Variants in AOPEP observed in about 807,000 individuals in gnomAD.
AOPEP encodes aminopeptidase O.
In AOPEP, 77 loss-of-function variants were observed where a neutral mutation model predicts 98.1. The ratio of observed to expected loss-of-function variants is 0.78; its 90% CI spans 0.65 to 0.95. The LOEUF (loss-of-function observed/expected upper bound fraction) is 0.95. AOPEP is among the 40% of genes least tolerant of loss of function. AOPEP has a pLI of 0.00. For synonymous variants in AOPEP, 346 were observed against 365.3 expected (o/e 0.95, Z 0.60); for missense variants, 1,024 against 1,024.7 (o/e 1.00, Z 0.01).
chr9:94,765,439 AAAT>A (rs370305424), intron 2 of AOPEP, among the ~76,000 whole-genome samples: 1,858 of 123,790 alleles, frequency 0.015, 22 homozygotes, highest in South Asian at 0.057. Context: ...TTCTCTACAA[AAAT>A]AATAATAATA....
At chr9:94,869,971 ATTTTTTTTTTTTTTT>A (rs10556167) in intron 5 of AOPEP, among the ~76,000 whole-genome samples, 8 of 93,554 alleles carry the variant, frequency 8.6e-5, no homozygotes, top group African/African-American at 2.6e-4. Flanking sequence ...GAAGCCATGA[ATTTTTTTTTTTTTTT>A]TTTTTTTTTT....
chr9:94,780,530 A>G (rs910298021), intron 3 of AOPEP, among the ~76,000 whole-genome samples: 1 of 152,220 alleles, frequency 6.6e-6, no homozygotes, highest in Non-Finnish European at 1.5e-5. Flanking sequence ...TTAATACTGC[A>G]ATTCCTCCCA....
chr9:94,743,220 GGAAGAAGAAGAGGAA>G (rs1298482699), intron 1 of AOPEP, among the ~76,000 whole-genome samples: 7 of 68,938 alleles, frequency 1.0e-4, no homozygotes, highest in Non-Finnish European at 1.8e-4. Context: ...AGGAAGAAGA[GGAAGAAGAAGAGGAA>G]GAAGAAGAGG....
At chr9:94,882,505 G>T (rs1164437061) in intron 5 of AOPEP, among the ~76,000 whole-genome samples, 1 of 152,220 alleles carries the variant, frequency 6.6e-6, no homozygotes, top group Admixed American at 6.5e-5. Flanking sequence ...GCTGGGTGGG[G>T]TGGCTCACGC....
chr9:94,853,144 T>G (rs2043763665), intron 5 of AOPEP, among the ~76,000 whole-genome samples: 1 of 152,132 alleles, frequency 6.6e-6, no homozygotes, highest in Non-Finnish European at 1.5e-5. Flanking sequence ...GAAAAAATAA[T>G]TATTACTATA....
At chr9:94,943,747 C>T (rs1270058987) in intron 7 of AOPEP, among the ~76,000 whole-genome samples, 1 of 151,484 alleles carries the variant, frequency 6.6e-6, no homozygotes, top group Non-Finnish European at 1.5e-5. Context: ...GGTGAAACCC[C>T]ATCTCTGCTA....
intron 13 of AOPEP, among the ~76,000 whole-genome samples, chr9:95,010,620 A>G (rs1344022294): frequency 6.6e-6 from 1 of 152,220 alleles, no homozygotes; most frequent in Admixed American, 6.5e-5. Flanking sequence ...CTACATTTAT[A>G]TAGCCGTAAT....
At chr9:95,103,639 G>A in the AOPEP span, among the ~76,000 whole-genome samples, 1 of 152,218 alleles carries the variant, frequency 6.6e-6, no homozygotes, top group African/African-American at 2.4e-5. Context: ...AGAGAGGCAG[G>A]AGAACCGCAG....
chr9:94,751,945 TACAGTGAC>T (rs1334980766), intron 1 of AOPEP, among the ~76,000 whole-genome samples: 2 of 146,688 alleles, frequency 1.4e-5, no homozygotes, highest in Non-Finnish European at 3.0e-5. Context: ...CAGGCTGGAG[TACAGTGAC>T]ACAATCACGA....
chr9:94,827,762 C>T (rs544581969), intron 5 of AOPEP, among the ~76,000 whole-genome samples: 2 of 152,250 alleles, frequency 1.3e-5, no homozygotes, highest in African/African-American at 2.4e-5. Flanking sequence ...ATCCTCGTCC[C>T]AGTGGGATCC....
At chr9:94,793,682 A>T (rs993126596) in intron 4 of AOPEP, among the ~76,000 whole-genome samples, 2 of 149,312 alleles carry the variant, frequency 1.3e-5, no homozygotes, top group African/African-American at 5.0e-5. Flanking sequence ...TCTTGGAAAA[A>T]AAAAAAAAGG....
chr9:94,880,626 G>C (rs780279791), intron 5 of AOPEP, among the ~76,000 whole-genome samples: 1 of 152,114 alleles, frequency 6.6e-6, no homozygotes, highest in Non-Finnish European at 1.5e-5. Context: ...AAAGTGTTGG[G>C]ATTACAGGCA....
At chr9:95,036,702 C>CTTTTTTTTTTTTTT (rs58616523) in intron 13 of AOPEP, among the ~76,000 whole-genome samples, 17 of 135,830 alleles carry the variant, frequency 1.3e-4, no homozygotes, top group Non-Finnish European at 1.9e-4. Context: ...TCTTCTTCTT[C>CTTTTTTTTTTTTTT]TTTTTTTTTT....
chr9:95,117,964 T>G, the AOPEP span, among the ~76,000 whole-genome samples: 16 of 152,072 alleles, frequency 1.1e-4, no homozygotes, highest in African/African-American at 3.1e-4. Flanking sequence ...TCAGGTGATC[T>G]GGCCGCCTCG....
In AOPEP at chr9:95,009,926, A is replaced by T. The variant is rs988090011; in HGVS notation, c.2115+4310A>T. Among the ~76,000 whole-genome samples the T allele has an allele frequency of 4.6e-5, 7 of 151,986 alleles. No homozygotes were observed. In the East Asian group the frequency reaches 1.4e-3, roughly 29 times the overall value. ...CCCAAATGATAAATTCTGTTTTCCA[A>T]GTCTTTTAAGTGAAAAAAAAAAAGA... On this transcript the variant is annotated intron_variant, in intron 13 of 16. Transcript: ENST00000375315.
intron 5 of AOPEP, among the ~76,000 whole-genome samples, chr9:94,844,151 G>A (rs918215060): frequency 9.2e-5 from 14 of 152,140 alleles, no homozygotes; most frequent in African/African-American, 3.1e-4. Context: ...CATCTCCCAG[G>A]TTCAACTGAT....
chr9:95,103,015 C>T, the AOPEP span, among the ~76,000 whole-genome samples: 103 of 152,312 alleles, frequency 6.8e-4, no homozygotes, highest in African/African-American at 2.4e-3. Context: ...TTGGTTTTTA[C>T]TCAGAAATGA....
intron 13 of AOPEP, among the ~76,000 whole-genome samples, chr9:95,009,152 TTAAAC>T (rs2062281862): frequency 6.6e-6 from 1 of 152,212 alleles, no homozygotes; most frequent in Non-Finnish European, 1.5e-5. Context: ...ATGTGTGTTT[TTAAAC>T]TAATAGATTT....
intron 5 of AOPEP, chr9:94,824,467 C>T (rs1243339984): frequency 6.6e-6 from 1 of 152,286 alleles, no homozygotes; most frequent in East Asian, 1.9e-4. Context: ...TCAGGTGGAA[C>T]CAGAAAAGAG....
Sources: allele counts gnomAD v4.1 joint callset (sites outside exome capture counted in the v4.1 genomes callset), GRCh38; gene constraint gnomAD v4.1.1; transcripts MANE v1.5; gene names NCBI Gene and HGNC (gene_info 2026-07-23, HGNC 2026-07-21).